The following CENPW variants were observed in gnomAD, a reference collection of about 807,000 sequenced individuals.
CENPW encodes cancer-up-regulated gene 2 protein.
In CENPW, 3 loss-of-function variants were observed where a neutral mutation model predicts 11.1. The ratio of observed to expected loss-of-function variants is 0.27; its 90% CI spans 0.12 to 0.70. The LOEUF is 0.70. Among genes scored for constraint, CENPW ranks in the 30% least tolerant of loss-of-function variants. The probability of loss-of-function intolerance (pLI) is 0.77; values close to 1 mark genes in which losing one functional copy is unlikely to be tolerated. For missense variants in CENPW, 100 were observed against 105.6 expected (o/e 0.95, Z 0.23); for synonymous variants, 38 against 42.0 (o/e 0.91, Z 0.37).
At chr6:126,377,177 A>G in the CENPW span, among the ~76,000 whole-genome samples, 1 of 152,144 alleles carries the variant, frequency 6.6e-6, no homozygotes, top group African/African-American at 2.4e-5. Flanking sequence ...CTGGGTATCA[A>G]ATTTATACTT....
the CENPW span, among the ~76,000 whole-genome samples, chr6:126,444,670 T>C: frequency 6.6e-6 from 1 of 151,278 alleles, no homozygotes; most frequent in Non-Finnish European, 1.5e-5. Context: ...AAAATTCTTT[T>C]AGATTGTTTT....
At chr6:126,350,518 C>G, downstream of CENPW, among the ~76,000 whole-genome samples, 1 of 152,144 alleles carries the variant, frequency 6.6e-6, no homozygotes, top group Admixed American at 6.5e-5. Context: ...GGTCGTTCCT[C>G]CTAATACCAT....
At chr6:126,395,965 G>A in the CENPW span, among the ~76,000 whole-genome samples, 1 of 152,064 alleles carries the variant, frequency 6.6e-6, no homozygotes, top group African/African-American at 2.4e-5. Context: ...ACCACCACTG[G>A]GACTGTGATA....
At chr6:126,378,870 A>G in the CENPW span, among the ~76,000 whole-genome samples, 10 of 152,230 alleles carry the variant, frequency 6.6e-5, no homozygotes, top group Admixed American at 5.9e-4. Flanking sequence ...GTCTAAATAA[A>G]AAAGCAAGAA....
the CENPW span, among the ~76,000 whole-genome samples, chr6:126,405,583 T>C: frequency 6.6e-6 from 1 of 152,110 alleles, no homozygotes; most frequent in African/African-American, 2.4e-5. Flanking sequence ...AATCTGTTGA[T>C]TGCCTTTGGT....
chr6:126,382,342 G>A, the CENPW span, among the ~76,000 whole-genome samples: 1 of 152,072 alleles, frequency 6.6e-6, no homozygotes, highest in Non-Finnish European at 1.5e-5. Flanking sequence ...ACAAAAATGA[G>A]AAAGAACCAG....
At chr6:126,422,548 C>G in the CENPW span, among the ~76,000 whole-genome samples, 1 of 152,178 alleles carries the variant, frequency 6.6e-6, no homozygotes, top group South Asian at 2.1e-4. Context: ...TAGGACCTCA[C>G]CCTTATGATG....
the CENPW span, among the ~76,000 whole-genome samples, chr6:126,429,524 T>G: frequency 6.6e-6 from 1 of 152,154 alleles, no homozygotes; most frequent in Non-Finnish European, 1.5e-5. Flanking sequence ...ATGTGCCTAC[T>G]GCCGCTTCAC....
At chr6:126,408,378 G>C in the CENPW span, among the ~76,000 whole-genome samples, 1 of 152,154 alleles carries the variant, frequency 6.6e-6, no homozygotes. Context: ...ACAAGAGAAT[G>C]TGTGTAGGGG....
chr6:126,480,058 T>C, the CENPW span, among the ~76,000 whole-genome samples: 1 of 151,870 alleles, frequency 6.6e-6, no homozygotes. Context: ...CTGTATAAGG[T>C]TTAGTGCATG....
the CENPW span, among the ~76,000 whole-genome samples, chr6:126,413,160 A>C: frequency 3.9e-5 from 6 of 152,186 alleles, no homozygotes; most frequent in Non-Finnish European, 8.8e-5. Context: ...AACAAAATCT[A>C]TATTGTAAAA....
At chr6:126,482,392 C>A in the CENPW span, among the ~76,000 whole-genome samples, 2 of 151,776 alleles carry the variant, frequency 1.3e-5, no homozygotes, top group African/African-American at 4.8e-5. Context: ...ATATTTCAAT[C>A]TTTTATGGTA....
At chr6:126,413,603 A>G in the CENPW span, among the ~76,000 whole-genome samples, 1 of 152,072 alleles carries the variant, frequency 6.6e-6, no homozygotes, top group Non-Finnish European at 1.5e-5. Context: ...GTATCTAGAA[A>G]TAAAAAATAT....
intron 1 of CENPW, among the ~76,000 whole-genome samples, chr6:126,344,935 C>T (rs1275231639): frequency 6.6e-6 from 1 of 152,022 alleles, no homozygotes; most frequent in African/African-American, 2.4e-5. Context: ...CACTTGCCAC[C>T]ATGTAAATAA....
chr6:126,473,248 T>C, the CENPW span, among the ~76,000 whole-genome samples: 1 of 152,176 alleles, frequency 6.6e-6, no homozygotes, highest in East Asian at 1.9e-4. Flanking sequence ...TTTTGGTGGA[T>C]GTAAGTTTTT....
chr6:126,477,900 G>A, the CENPW span, among the ~76,000 whole-genome samples: 1 of 151,880 alleles, frequency 6.6e-6, no homozygotes, highest in African/African-American at 2.4e-5. Context: ...ATTGCCAACC[G>A]TCTTTTGCTT....
chr6:126,393,365 T>G, the CENPW span, among the ~76,000 whole-genome samples: 1 of 151,898 alleles, frequency 6.6e-6, no homozygotes, highest in Non-Finnish European at 1.5e-5. Context: ...TTCTTTAAGA[T>G]GCACTGTTAG....
At chr6:126,481,065 G>T in the CENPW span, among the ~76,000 whole-genome samples, 2 of 151,998 alleles carry the variant, frequency 1.3e-5, no homozygotes, top group African/African-American at 4.8e-5. Context: ...AAGGATATGT[G>T]TAATGAACTT....
chr6:126,352,824 T>C (rs1780507111), downstream of CENPW, among the ~76,000 whole-genome samples: 1 of 152,140 alleles, frequency 6.6e-6, no homozygotes, highest in African/African-American at 2.4e-5. Context: ...TGCTGGTGTA[T>C]GTGACCCAGC....
Sources: allele counts gnomAD v4.1 joint callset (sites outside exome capture counted in the v4.1 genomes callset), GRCh38; gene constraint gnomAD v4.1.1; transcripts MANE v1.5; gene names NCBI Gene and HGNC (gene_info 2026-07-23, HGNC 2026-07-21).